The following PROM1 variants were observed in gnomAD, a reference collection of about 807,000 sequenced individuals.
PROM1 encodes prominin-1.
Under a neutral mutation model 116.9 loss-of-function variants are expected in PROM1, and 105 were observed. That is an observed-to-expected ratio of 0.90 (90% CI 0.77 to 1.06). The LOEUF is 1.06. Among genes scored for constraint, PROM1 ranks in the 50% least tolerant of loss-of-function variants. PROM1 has a pLI of 0.00. For missense variants in PROM1, 1,122 were observed against 1,045.2 expected (o/e 1.07, Z -1.01); for synonymous variants, 393 against 387.0 (o/e 1.02, Z -0.18).
intron 8 of PROM1, 61 bp downstream of exon 8, chr4:16,023,265 C>G (rs186314293): frequency 2.1e-6 from 3 of 1,406,184 alleles, no homozygotes; most frequent in East Asian, 4.9e-5. Flanking sequence ...AGTGAGCAAG[C>G]CTGCCAAGCC....
At chr4:16,019,196 T>G (rs1729196980) in intron 8 of PROM1, among the ~76,000 whole-genome samples, 1 of 152,196 alleles carries the variant, frequency 6.6e-6, no homozygotes, top group Admixed American at 6.5e-5. Flanking sequence ...TTGCAAACCC[T>G]ACCCCCTAGG....
intron 23 of PROM1, among the ~76,000 whole-genome samples, chr4:15,980,987 A>C (rs555974749): frequency 2.6e-5 from 2 of 75,816 alleles, no homozygotes; most frequent in Non-Finnish European, 6.0e-5. Context: ...TTTTAGACAG[A>C]ATCTCACTCT....
chr4:16,081,505 A>C (rs1041488982), intron 1 of PROM1, among the ~76,000 whole-genome samples: 1 of 152,256 alleles, frequency 6.6e-6, no homozygotes, highest in African/African-American at 2.4e-5. Flanking sequence ...CAATGGCAAC[A>C]AAAGCCAAAA....
chr4:16,018,496 A>AGG lies in PROM1; in HGVS notation c.827_828dup (p.Leu277ProfsTer2), dbSNP rs1475923023. On this transcript the variant is annotated frameshift_variant, in exon 9 of 28. Coordinates refer to ENST00000447510, the MANE Select transcript of PROM1 (RefSeq NM_006017.3). LOFTEE classifies it high-confidence loss of function. ...GTACTTTGTTGGTGCAAGCTCTTCAAGGTGCTGTTCATGTTCTCCAACGCC... is the reference window on the plus strand; with the variant it reads ...GTACTTTGTTGGTGCAAGCTCTTCAAGGGGTGCTGTTCATGTTCTCCAACGCC... 6.2e-7 allele frequency: 1 copy of AGG among 1,612,656 alleles called. No homozygotes were observed. Among genetic ancestry groups the AGG allele is most frequent in the Non-Finnish European group, 8.5e-7 (1 of 1,179,742 alleles).
chr4:16,051,892 A>G (rs1737968381), intron 2 of PROM1, among the ~76,000 whole-genome samples: 1 of 152,226 alleles, frequency 6.6e-6, no homozygotes, highest in Non-Finnish European at 1.5e-5. Flanking sequence ...TAGCCCTCCA[A>G]GAAACTTCCT....
chr4:16,027,884 A>G (rs1177706417), intron 5 of PROM1, among the ~76,000 whole-genome samples: 1 of 152,186 alleles, frequency 6.6e-6, no homozygotes, highest in African/African-American at 2.4e-5. Context: ...GTCCTTACTC[A>G]CAAGATCATC....
At chr4:15,983,623 AAAG>A (rs780187771) in intron 23 of PROM1, among the ~76,000 whole-genome samples, 2 of 152,152 alleles carry the variant, frequency 1.3e-5, no homozygotes, top group Non-Finnish European at 1.5e-5. Flanking sequence ...TGATGAAGTG[AAAG>A]AAGATGAGTA....
chr4:16,021,571 A>T (rs1729893048), intron 8 of PROM1, among the ~76,000 whole-genome samples: 1 of 152,208 alleles, frequency 6.6e-6, no homozygotes, highest in African/African-American at 2.4e-5. Flanking sequence ...GGAAAACAAA[A>T]AGATCTTGTT....
intron 19 of PROM1, 95 bp from the exon 20 acceptor site, chr4:15,987,811 C>G: frequency 1.0e-6 from 1 of 981,084 alleles, no homozygotes; most frequent in Non-Finnish European, 1.6e-6. Context: ...GCCATCAAAT[C>G]TGTCTTTACA....
chr4:15,983,451 T>C (rs1718473924), intron 23 of PROM1, among the ~76,000 whole-genome samples: 1 of 152,112 alleles, frequency 6.6e-6, no homozygotes, highest in Non-Finnish European at 1.5e-5. Context: ...TTCTCCACCA[T>C]TGTGTTACCA....
chr4:16,030,825 C>A (rs1205400774), intron 5 of PROM1, among the ~76,000 whole-genome samples: 1 of 152,160 alleles, frequency 6.6e-6, no homozygotes, highest in Non-Finnish European at 1.5e-5. Flanking sequence ...GAGGGCAGAT[C>A]ATTTGAGGCC....
At chr4:16,044,326 C>T (rs1366336845) in intron 2 of PROM1, among the ~76,000 whole-genome samples, 1 of 152,136 alleles carries the variant, frequency 6.6e-6, no homozygotes, top group African/African-American at 2.4e-5. Context: ...ACTTAAAATC[C>T]CCTGTTGTTT....
chr4:16,023,559 T>C (rs1730456160), intron 7 of PROM1, 144 bp from the exon 8 acceptor site: 1 of 623,722 alleles, frequency 1.6e-6, no homozygotes, highest in East Asian at 2.8e-5. Context: ...TAAACTCGTG[T>C]ATGGAGATTT....
At chr4:16,009,498 G>A (rs1352845972) in intron 11 of PROM1, among the ~76,000 whole-genome samples, 10 of 152,214 alleles carry the variant, frequency 6.6e-5, no homozygotes, top group Admixed American at 3.3e-4. Flanking sequence ...ACAGCGACCC[G>A]GAGGCTCACA....
chr4:16,014,653 C>T (rs953709955), intron 10 of PROM1, among the ~76,000 whole-genome samples: 15 of 152,126 alleles, frequency 9.9e-5, no homozygotes, highest in African/African-American at 3.1e-4. Context: ...ACAAGCTTAG[C>T]GTTCCAATAA....
At chr4:15,991,363 G>A (rs1339063483) in intron 17 of PROM1, 70 bp from the exon 18 acceptor site, 26 of 1,019,172 alleles carry the variant, frequency 2.6e-5, no homozygotes, top group Non-Finnish European at 2.8e-6. Context: ...CATCTAGTAG[G>A]CAACAGATTA....
intron 2 of PROM1, among the ~76,000 whole-genome samples, chr4:16,065,492 C>T (rs1375956538): frequency 6.6e-6 from 1 of 152,192 alleles, no homozygotes; most frequent in African/African-American, 2.4e-5. Flanking sequence ...ATAGTAAGCA[C>T]GGACTAGCCT....
At chr4:16,043,032 T>A (rs879468689) in intron 2 of PROM1, among the ~76,000 whole-genome samples, 11 of 152,246 alleles carry the variant, frequency 7.2e-5, no homozygotes, top group Non-Finnish European at 1.5e-4. Context: ...AAGGGTTTAT[T>A]ATCGTTCTTT....
intron 4 of PROM1, 90 bp downstream of exon 4, chr4:16,035,645 G>T: frequency 1.6e-6 from 2 of 1,246,620 alleles, no homozygotes; most frequent in Non-Finnish European, 2.4e-6. Flanking sequence ...GAAATGAAAC[G>T]GATCATTTAA....
Sources: allele counts gnomAD v4.1 joint callset (sites outside exome capture counted in the v4.1 genomes callset), GRCh38; gene constraint gnomAD v4.1.1; transcripts MANE v1.5; gene names NCBI Gene and HGNC (gene_info 2026-07-23, HGNC 2026-07-21).